Variants in SCN3A observed in about 807,000 individuals in gnomAD.
The protein encoded by SCN3A is sodium channel protein type 3 subunit alpha.
A neutral mutation model predicts 187.6 loss-of-function variants in SCN3A; 60 were observed. The ratio of observed to expected loss-of-function variants is 0.32; its 90% CI spans 0.26 to 0.40. SCN3A has a LOEUF of 0.40. Among genes scored for constraint, SCN3A ranks in the 10% least tolerant of loss-of-function variants. The pLI is 1.00. For missense variants in SCN3A, 1,601 were observed against 2,428.2 expected (o/e 0.66, Z 7.16); for synonymous variants, 788 against 829.2 (o/e 0.95, Z 0.85).
At chr2:165,182,268 A>C (rs77298957) in intron 2 of SCN3A, among the ~76,000 whole-genome samples, 1 of 152,194 alleles carries the variant, frequency 6.6e-6, no homozygotes, top group African/African-American at 2.4e-5. Flanking sequence ...AAGAGAAGTA[A>C]AAGATCTGAC....
intron 1 of SCN3A, among the ~76,000 whole-genome samples, chr2:165,202,481 A>G (rs1174047587): frequency 1.3e-5 from 2 of 152,014 alleles, no homozygotes; most frequent in African/African-American, 4.8e-5. Flanking sequence ...ACCCTGTCCA[A>G]AGAAATAGTT....
intron 1 of SCN3A, among the ~76,000 whole-genome samples, chr2:165,201,562 C>T (rs994092464): frequency 6.6e-6 from 1 of 151,992 alleles, no homozygotes; most frequent in Non-Finnish European, 1.5e-5. Flanking sequence ...ATTTTAGTTA[C>T]ACAATCCTGT....
intron 9 of SCN3A, among the ~76,000 whole-genome samples, chr2:165,158,551 GC>G (rs1158311876): frequency 7.3e-6 from 1 of 136,160 alleles, no homozygotes; most frequent in Non-Finnish European, 1.5e-5. Flanking sequence ...AATCCCCTTT[GC>G]TTTACCTAGA....
intron 20 of SCN3A, 99 bp downstream of exon 20, chr2:165,113,717 T>C: frequency 7.4e-7 from 1 of 1,347,912 alleles, no homozygotes; most frequent in African/African-American, 1.4e-5. Context: ...CAGATATGCC[T>C]TTTCTTTTGA....
chr2:165,146,789 TGGA>T lies in SCN3A; in HGVS notation c.1618_1620del (p.Ser540del), dbSNP rs1276897893. ...TCACTGGTCAGTCTGTTTCCATCCA[TGGA>T]GAAAAGGAAGCTGCTTCTTTTGACG... On this transcript the variant is annotated inframe_deletion, in exon 12 of 28. Coordinates refer to ENST00000283254, the MANE Select transcript of SCN3A (RefSeq NM_006922.4). The T allele has an allele frequency of 6.2e-7, 1 of 1,613,906 alleles. No individual in the cohort carries two copies. The highest frequency in any genetic ancestry group is 8.5e-7 in the Non-Finnish European group (1 of 1,179,942).
intron 21 of SCN3A, among the ~76,000 whole-genome samples, chr2:165,103,162 A>G (rs1685687103): frequency 6.6e-6 from 1 of 152,220 alleles, no homozygotes; most frequent in Non-Finnish European, 1.5e-5. Context: ...AATCTCTATT[A>G]TAAGTGGAGA....
rs1684890939 is a variant in SCN3A, at chr2:165,087,544, T to G, written c.*2606A>C. On this transcript the variant is annotated 3_prime_UTR_variant, in exon 28 of 28. Coordinates refer to ENST00000283254, the MANE Select transcript of SCN3A (RefSeq NM_006922.4). ...ATTCCAATTAGCCACCTTATATAAT[T>G]TATTATGGGAGAATTATGAAATACA... 1 of 152,158 alleles carries G rather than the reference T, an allele frequency of 6.6e-6. No homozygotes were observed. Among genetic ancestry groups the G allele is most frequent in the African/African-American group, 2.4e-5 (1 of 41,426 alleles). The allele number at this position is 152,158 out of a possible 1,614,324, so 9.4% of individuals were successfully genotyped here.
chr2:165,170,891 C>G (rs548410455), intron 3 of SCN3A, among the ~76,000 whole-genome samples: 2 of 152,050 alleles, frequency 1.3e-5, no homozygotes, highest in East Asian at 3.9e-4. Context: ...TCAGATTACT[C>G]TGTACACATT....
At chr2:165,173,341 G>C (rs1690237429) in intron 3 of SCN3A, among the ~76,000 whole-genome samples, 1 of 152,114 alleles carries the variant, frequency 6.6e-6, no homozygotes, top group Non-Finnish European at 1.5e-5. Flanking sequence ...TCAGATCCTG[G>C]ATTCACCACT....
intron 9 of SCN3A, 26 bp from the exon 10 acceptor site, chr2:165,155,929 G>A (rs781658557): frequency 1.2e-6 from 2 of 1,613,404 alleles, no homozygotes; most frequent in Non-Finnish European, 1.7e-6. Context: ...ATGGAGGTAG[G>A]GTCAGTTTAG....
intron 3 of SCN3A, among the ~76,000 whole-genome samples, chr2:165,175,322 A>C (rs1202079203): frequency 6.6e-6 from 1 of 152,194 alleles, no homozygotes; most frequent in Non-Finnish European, 1.5e-5. Context: ...GAAAGCATAG[A>C]GTATACCACC....
chr2:165,119,331 A>AT (rs1686537205), intron 18 of SCN3A, among the ~76,000 whole-genome samples: 1 of 152,216 alleles, frequency 6.6e-6, no homozygotes, highest in Non-Finnish European at 1.5e-5. Flanking sequence ...TCAAATTTCT[A>AT]AAGTTATGCA....
intron 18 of SCN3A, among the ~76,000 whole-genome samples, chr2:165,119,304 G>T (rs1686535943): frequency 6.6e-6 from 1 of 152,126 alleles, no homozygotes; most frequent in Admixed American, 6.5e-5. Flanking sequence ...ATTGTATGAA[G>T]TTATGAAAAT....
chr2:165,139,759 AGTTTTTT>A (rs1223601564), intron 13 of SCN3A, 151 bp from the exon 14 acceptor site: 4 of 964,472 alleles, frequency 4.1e-6, no homozygotes, highest in Non-Finnish European at 6.2e-6. Context: ...AGTTATAAAC[AGTTTTTT>A]TTTTAAAAAA....
At chr2:165,130,370 T>TTCTATGATACCACATACTA in intron 16 of SCN3A, 74 bp from the exon 17 acceptor site, 1 of 1,501,000 alleles carries the variant, frequency 6.7e-7, no homozygotes, top group Non-Finnish European at 9.2e-7. Flanking sequence ...TAGTATGTGG[T>TTCTATGATACCACATACTA]ATCATAGAAC....
intron 12 of SCN3A, among the ~76,000 whole-genome samples, chr2:165,141,519 T>G (rs1688013054): frequency 1.3e-5 from 2 of 152,236 alleles, no homozygotes. Context: ...AAAAAACTAC[T>G]ATTTTTCCAT....
chr2:165,198,087 G>A lies in SCN3A; in HGVS notation c.-248+5736C>T, dbSNP rs151150643. On this transcript the variant is annotated intron_variant, in intron 1 of 27. Transcript: ENST00000283254. Reference sequence around the variant, plus strand: ...TAAACTTTAAAAACAAATTTCAATAGTATTTAAAGAACAGAGTGGAAGTGG... The same window carrying A: ...TAAACTTTAAAAACAAATTTCAATAATATTTAAAGAACAGAGTGGAAGTGG... Among the ~76,000 whole-genome samples the A allele has an allele frequency of 1.6e-3, 240 of 151,686 alleles. 1 individual carries two copies. Among genetic ancestry groups the A allele is most frequent in the African/African-American group, 5.3e-3 (220 of 41,378 alleles).
Position 165,095,655 on chromosome 2 carries a change from G to T in SCN3A, c.4294-7C>A, listed in dbSNP as rs776696502. The stretch of plus-strand genomic sequence containing the variant: ...ATACAGGCTGAAGTTTAACCTAAAT[G>T]ATATTGAAAATATTAAATAATATGA... On this transcript the variant is annotated splice_region_variant and splice_polypyrimidine_tract_variant and intron_variant, in intron 24 of 27. Transcript: ENST00000283254. 2.3e-6 allele frequency: 3 copies of T among 1,306,548 alleles called. No homozygotes were observed. Among genetic ancestry groups the T allele is most frequent in the South Asian group, 1.2e-5 (1 of 81,480 alleles). 80.9% of individuals were successfully genotyped at this position (1,306,548 alleles called of 1,614,324 possible).
intron 15 of SCN3A, 126 bp from the exon 16 acceptor site, chr2:165,131,543 C>G (rs1442059719): frequency 2.1e-6 from 1 of 481,196 alleles, no homozygotes; most frequent in Non-Finnish European, 3.6e-6. Flanking sequence ...TGTGACAAAT[C>G]AATTCAAGTC....
Sources: gnomAD v4.1 joint callset for allele counts (sites outside exome capture counted in the v4.1 genomes callset) on GRCh38, gnomAD v4.1.1 for gene constraint, MANE v1.5 for transcripts, NCBI Gene and HGNC (gene_info 2026-07-23, HGNC 2026-07-21) for gene names.